Variants in IFRD1 observed in about 807,000 individuals in gnomAD.
IFRD1 encodes the protein interferon-related developmental regulator 1.
Under a neutral mutation model 52.9 loss-of-function variants are expected in IFRD1, and 35 were observed. That is an observed-to-expected ratio of 0.66 (90% CI 0.51 to 0.88). The LOEUF (loss-of-function observed/expected upper bound fraction) is 0.88. Among genes scored for constraint, IFRD1 ranks in the 40% least tolerant of loss-of-function variants. The probability of loss-of-function intolerance (pLI) is 0.00; values close to 1 mark genes in which losing one functional copy is unlikely to be tolerated. For synonymous variants in IFRD1, 184 were observed against 188.4 expected (o/e 0.98, Z 0.19); for missense variants, 517 against 550.8 (o/e 0.94, Z 0.61).
At chr7:112,463,894 A>ACACACC (rs1554508602) in intron 8 of IFRD1, among the ~76,000 whole-genome samples, 1 of 17,580 alleles carries the variant, frequency 5.7e-5, no homozygotes, top group Admixed American at 5.5e-4. Context: ...ACACACACAC[A>ACACACC]CCCCACGTAT....
At chr7:112,444,202 G>A (rs891955302) in intron 1 of IFRD1, among the ~76,000 whole-genome samples, 3 of 152,124 alleles carry the variant, frequency 2.0e-5, no homozygotes, top group Non-Finnish European at 2.9e-5. Context: ...TAATACTGCA[G>A]CTTTGTGAGA....
rs3109113 is a variant in IFRD1 at position 112,457,601 on chromosome 7, C to T, written c.409+563C>T. On this transcript the variant is annotated intron_variant, in intron 4 of 11. Transcript: ENST00000403825. ...ACCAAATTTAAAAAGACTTGTGACT[C>T]GGCATGGTGGTTCACATCTGTAATT... 1,041 of 152,870 alleles carry T rather than the reference C, an allele frequency of 6.8e-3. 14 individuals carry two copies. The highest frequency in any genetic ancestry group is 0.024 in the African/African-American group (998 of 41,430). The allele number at this position is 152,870 out of a possible 1,614,324, so 9.5% of individuals were successfully genotyped here. A position where few individuals can be genotyped will look rare whatever the true frequency, so the allele number is the denominator to read the frequency against.
intron 11 of IFRD1, among the ~76,000 whole-genome samples, chr7:112,473,671 C>T (rs1033270665): frequency 2.0e-5 from 3 of 152,090 alleles, no homozygotes; most frequent in Non-Finnish European, 4.4e-5. Flanking sequence ...GTGATCCACC[C>T]ACTTTGGCCT....
intron 11 of IFRD1, among the ~76,000 whole-genome samples, chr7:112,474,219 A>C: frequency 6.6e-6 from 1 of 152,244 alleles, no homozygotes; most frequent in East Asian, 1.9e-4. Flanking sequence ...ATTCACATAC[A>C]AAATTTTTTT....
chr7:112,434,286 G>C (rs1794619318), intron 1 of IFRD1, among the ~76,000 whole-genome samples: 1 of 152,170 alleles, frequency 6.6e-6, no homozygotes, highest in Admixed American at 6.6e-5. Context: ...ACCAAGCTGA[G>C]AGCATGAAAA....
Position 112,445,317 on chromosome 7 carries a change from T to C in IFRD1, c.-181-5191T>C, listed in dbSNP as rs535533056. On this transcript the variant is annotated intron_variant, in intron 1 of 12. Coordinates refer to the IFRD1 transcript ENST00000005558. The stretch of plus-strand genomic sequence containing the variant: ...TCCTGACCTTGTGATCCGCCCACCT[T>C]GGCCTCCCAGAGTGCTAGGATTACA... Among the ~76,000 whole-genome samples the C allele has an allele frequency of 3.2e-3, 491 of 152,104 alleles. 3 individuals are homozygous for C. The highest frequency in any genetic ancestry group is 0.015 in the South Asian group (74 of 4,822).
chr7:112,443,775 T>C (rs1191556061), intron 1 of IFRD1, among the ~76,000 whole-genome samples: 1 of 151,182 alleles, frequency 6.6e-6, no homozygotes, highest in South Asian at 2.1e-4. Flanking sequence ...GGCAGGAGAA[T>C]TGCTTGAACC....
rs1396798362 is a variant in IFRD1, at chr7:112,472,230, T to C, written c.1053T>C (p.Phe351=). The C allele has an allele frequency of 1.2e-6, 2 of 1,613,936 alleles. No individual in the cohort carries two copies. The highest frequency in any genetic ancestry group is 2.7e-5 in the African/African-American group (2 of 74,922). Residue 351 remains phenylalanine, a synonymous_variant, in exon 10 of 12, where the codon TTT becomes TTC. Transcript: ENST00000403825. ...DVLRAVEERD[F]PTETIKFGPE... ...CTTCCATTGGTTAGGAACGGGATTT[T>C]CCAACAGAAACCATTAAATTTGGTC...
chr7:112,472,436 G>A (rs1795774725), intron 10 of IFRD1, 89 bp downstream of exon 10: 3 of 1,366,984 alleles, frequency 2.2e-6, no homozygotes, highest in African/African-American at 1.4e-5. Context: ...AATTAATTAG[G>A]TATCCAGAGT....
At chr7:112,430,294 G>C (rs1179177216) in intron 1 of IFRD1, among the ~76,000 whole-genome samples, 1 of 152,186 alleles carries the variant, frequency 6.6e-6, no homozygotes, top group African/African-American at 2.4e-5. Flanking sequence ...CCTCCTGATT[G>C]TTGTGGTACT....
intron 1 of IFRD1, among the ~76,000 whole-genome samples, chr7:112,453,461 T>C (rs932096504): frequency 6.6e-6 from 1 of 152,144 alleles, no homozygotes; most frequent in African/African-American, 2.4e-5. Flanking sequence ...ATGTGTATTT[T>C]TTTTCTTTCC....
intron 1 of IFRD1, among the ~76,000 whole-genome samples, chr7:112,428,740 C>T (rs1339875542): frequency 6.6e-6 from 1 of 152,134 alleles, no homozygotes; most frequent in Non-Finnish European, 1.5e-5. Flanking sequence ...ATTTTGTATA[C>T]TTGAATCTGT....
intron 1 of IFRD1, chr7:112,452,581 A>G (rs952049092): frequency 4.4e-5 from 16 of 361,272 alleles, no homozygotes; most frequent in Non-Finnish European, 6.2e-5. Flanking sequence ...TTTGAAAGTT[A>G]TAATGATGTT....
intron 4 of IFRD1, 55 bp downstream of exon 4, chr7:112,457,093 T>A: frequency 1.9e-6 from 3 of 1,571,866 alleles, no homozygotes; most frequent in Non-Finnish European, 2.6e-6. Flanking sequence ...GTGTGTTATC[T>A]TCTTTTCAGT....
chr7:112,436,497 G>A (rs984457924), intron 1 of IFRD1, among the ~76,000 whole-genome samples: 4 of 151,870 alleles, frequency 2.6e-5, no homozygotes, highest in African/African-American at 7.3e-5. Context: ...ATTTACTGAC[G>A]TTTTATTAAT....
Position 112,458,846 on chromosome 7 carries a change from T to C in IFRD1, c.410-15T>C, listed in dbSNP as rs1795357719. The stretch of plus-strand genomic sequence containing the variant: ...TGAAAAGACTATCGTGATTGCATCT[T>C]GGCTGCTTTTATAGGTAAGAGTGAT... On this transcript the variant is annotated splice_polypyrimidine_tract_variant and intron_variant, in intron 4 of 11. Transcript: ENST00000403825. 8 of 1,613,090 alleles carry C rather than the reference T, an allele frequency of 5.0e-6. No homozygotes were observed. Among genetic ancestry groups the C allele is most frequent in the Non-Finnish European group, 5.9e-6 (7 of 1,179,224 alleles).
intron 1 of IFRD1, among the ~76,000 whole-genome samples, chr7:112,437,678 A>G (rs1794740119): frequency 6.6e-6 from 1 of 151,348 alleles, no homozygotes; most frequent in Admixed American, 6.6e-5. Context: ...CCAGAGCACT[A>G]GGGGCCACAC....
chr7:112,470,814 T>C (rs1241715046), intron 9 of IFRD1, among the ~76,000 whole-genome samples: 2 of 152,252 alleles, frequency 1.3e-5, no homozygotes, highest in Non-Finnish European at 2.9e-5. Context: ...ATAGTTGTTA[T>C]ACTTTATTGT....
At chr7:112,472,638 C>A in intron 10 of IFRD1, 128 bp from the exon 11 acceptor site, 1 of 763,438 alleles carries the variant, frequency 1.3e-6, no homozygotes, top group Non-Finnish European at 2.3e-6. Context: ...TATTGAGAAA[C>A]AGAAAATAAG....
Sources: gnomAD v4.1 joint callset for allele counts (sites outside exome capture counted in the v4.1 genomes callset) on GRCh38, gnomAD v4.1.1 for gene constraint, MANE v1.5 for transcripts, NCBI Gene and HGNC (gene_info 2026-07-23, HGNC 2026-07-21) for gene names.